The following C1QTNF2 variants were observed in gnomAD, a reference collection of about 807,000 sequenced individuals.
The protein encoded by C1QTNF2 is C1q and TNF related 2.
Under a neutral mutation model 17.4 loss-of-function variants are expected in C1QTNF2, and 15 were observed. That is an observed-to-expected ratio of 0.86 (90% CI 0.58 to 1.33). C1QTNF2 has a LOEUF of 1.33. Among genes scored for constraint, C1QTNF2 ranks in the 40% most tolerant of loss-of-function variants. The pLI, the probability that C1QTNF2 is intolerant of heterozygous loss-of-function variation, is 0.00. For missense variants in C1QTNF2, 381 were observed against 392.3 expected (o/e 0.97, Z 0.24); for synonymous variants, 154 against 163.3 (o/e 0.94, Z 0.44).
chr5:160,353,788 CTTTTTTTT>C (rs200777932), intron 2 of C1QTNF2, among the ~76,000 whole-genome samples: 10 of 85,970 alleles, frequency 1.2e-4, no homozygotes, highest in African/African-American at 4.3e-4. Context: ...ACTTCTCAGG[CTTTTTTTT>C]TTTTTTTTTT....
intron 1 of C1QTNF2, among the ~76,000 whole-genome samples, chr5:160,365,954 A>G (rs928335681): frequency 7.2e-5 from 9 of 124,610 alleles, no homozygotes; most frequent in Non-Finnish European, 9.6e-5. Flanking sequence ...GCTTTTTTAA[A>G]AAATTTTTTA....
chr5:160,370,482 C>A, intron 1 of C1QTNF2, 30 bp downstream of exon 1: 1 of 1,412,802 alleles, frequency 7.1e-7, no homozygotes, highest in East Asian at 2.9e-5. Context: ...CACTTGCCGC[C>A]CCCGCCCGAC....
intron 1 of C1QTNF2, among the ~76,000 whole-genome samples, chr5:160,361,466 C>T (rs1044246513): frequency 6.6e-5 from 10 of 152,194 alleles, no homozygotes; most frequent in Non-Finnish European, 1.2e-4. Flanking sequence ...GTAAATTATG[C>T]TCAAATAAAT....
intron 1 of C1QTNF2, among the ~76,000 whole-genome samples, chr5:160,359,046 G>T (rs1001363074): frequency 6.6e-6 from 1 of 152,182 alleles, no homozygotes; most frequent in East Asian, 1.9e-4. Flanking sequence ...AAAGTGCTGA[G>T]ATTACAGGCG....
At chr5:160,355,417 G>A (rs939246040) in intron 1 of C1QTNF2, 16 of 224,036 alleles carry the variant, frequency 7.1e-5, no homozygotes, top group Non-Finnish European at 1.1e-4. Context: ...GTTCTACAAG[G>A]GTAATGTTTG....
chr5:160,353,788 C>CTTTTTTTTTTTTT (rs200777932), intron 2 of C1QTNF2, among the ~76,000 whole-genome samples: 1 of 85,980 alleles, frequency 1.2e-5, no homozygotes, highest in Admixed American at 1.8e-4. Context: ...ACTTCTCAGG[C>CTTTTTTTTTTTTT]TTTTTTTTTT....
At chr5:160,360,197 C>T (rs1156696534) in intron 1 of C1QTNF2, among the ~76,000 whole-genome samples, 1 of 152,224 alleles carries the variant, frequency 6.6e-6, no homozygotes, top group Non-Finnish European at 1.5e-5. Flanking sequence ...ATTCACTTTA[C>T]TTGGTTGCCT....
In C1QTNF2 at chr5:160,370,566, G is replaced by A. The variant is rs780076778; in HGVS notation, c.-64C>T. On this transcript the variant is annotated 5_prime_UTR_variant, in exon 1 of 3. Transcript: ENST00000652664. Reference sequence around the variant, plus strand: ...GTCCGGAGCAAAGAAGCTCTCGGCGGGGCTCCGCGTCCCGGCTTTCCTCAG... The same window carrying A: ...GTCCGGAGCAAAGAAGCTCTCGGCGAGGCTCCGCGTCCCGGCTTTCCTCAG... The A allele has an allele frequency of 1.4e-6, 2 of 1,445,922 alleles. No homozygotes were observed. Among genetic ancestry groups the A allele is most frequent in the Non-Finnish European group, 1.8e-6 (2 of 1,107,352 alleles). The allele number at this position is 1,445,922 out of a possible 1,614,324, so 89.6% of individuals were successfully genotyped here. A position where few individuals can be genotyped will look rare whatever the true frequency, so the allele number is the denominator to read the frequency against.
At chr5:160,361,220 G>C (rs903115590) in intron 1 of C1QTNF2, among the ~76,000 whole-genome samples, 8 of 152,186 alleles carry the variant, frequency 5.3e-5, no homozygotes, top group Admixed American at 1.3e-4. Flanking sequence ...AGTGCCACAG[G>C]CTGGGTCTAC....
intron 2 of C1QTNF2, among the ~76,000 whole-genome samples, chr5:160,351,220 TTC>T (rs1375555721): frequency 6.6e-6 from 1 of 152,232 alleles, no homozygotes; most frequent in African/African-American, 2.4e-5. Context: ...AAATGCACAT[TTC>T]TCTCAATCCA....
chr5:160,348,817 C>A lies in C1QTNF2; in HGVS notation c.*351G>T, dbSNP rs978541651. The stretch of plus-strand genomic sequence containing the variant: ...ACTGTCAACCATGGCATGTTCATTT[C>A]TATCCTGGCATAATATTATATTATT... On this transcript the variant is annotated 3_prime_UTR_variant, in exon 3 of 3. Transcript: ENST00000652664. The A allele has an allele frequency of 3.1e-5, 6 of 192,776 alleles. No individual in the cohort carries two copies. The highest frequency in any genetic ancestry group is 1.3e-4 in the East Asian group (1 of 7,856). The allele number at this position is 192,776 out of a possible 1,614,324, so 11.9% of individuals were successfully genotyped here.
At chr5:160,362,575 T>G (rs1325489700) in intron 1 of C1QTNF2, among the ~76,000 whole-genome samples, 1 of 152,208 alleles carries the variant, frequency 6.6e-6, no homozygotes, top group Admixed American at 6.5e-5. Context: ...TGAGATGGTG[T>G]CAAGCGCCTG....
At chr5:160,356,488 C>T (rs1215320910) in intron 1 of C1QTNF2, among the ~76,000 whole-genome samples, 1 of 152,164 alleles carries the variant, frequency 6.6e-6, no homozygotes, top group Non-Finnish European at 1.5e-5. Context: ...AATAAGTTTC[C>T]AAGGGATGCT....
At chr5:160,368,588 G>C (rs1764290184) in intron 1 of C1QTNF2, among the ~76,000 whole-genome samples, 1 of 151,672 alleles carries the variant, frequency 6.6e-6, no homozygotes, top group East Asian at 1.9e-4. Flanking sequence ...ACTAACAGAA[G>C]TTTGATTTAT....
At chr5:160,361,404 C>A (rs1402360202) in intron 1 of C1QTNF2, among the ~76,000 whole-genome samples, 2 of 152,196 alleles carry the variant, frequency 1.3e-5, no homozygotes, top group Non-Finnish European at 2.9e-5. Context: ...TTGTCTTGAG[C>A]AAGCCTACTA....
At chr5:160,365,251 G>T (rs1010351495) in intron 1 of C1QTNF2, among the ~76,000 whole-genome samples, 1 of 152,166 alleles carries the variant, frequency 6.6e-6, no homozygotes, top group African/African-American at 2.4e-5. Flanking sequence ...TGACATAAAA[G>T]GGACTACACT....
chr5:160,354,597 A>AAAATATATATAT (rs769774870), intron 2 of C1QTNF2, among the ~76,000 whole-genome samples, 171 bp downstream of exon 2: 1 of 89,304 alleles, frequency 1.1e-5, no homozygotes, highest in African/African-American at 4.8e-5. Flanking sequence ...AAAAAAAAAA[A>AAAATATATATAT]GTATATATAT....
chr5:160,354,059 C>T (rs1341186889), intron 2 of C1QTNF2, among the ~76,000 whole-genome samples: 1 of 152,020 alleles, frequency 6.6e-6, no homozygotes, highest in Admixed American at 6.6e-5. Context: ...TCCACCTCGG[C>T]CTCCCAAGTG....
intron 1 of C1QTNF2, among the ~76,000 whole-genome samples, chr5:160,355,810 A>ATT (rs34316544): frequency 9.2e-5 from 14 of 151,710 alleles, no homozygotes; most frequent in African/African-American, 3.4e-4. Flanking sequence ...ATTTCTTGCG[A>ATT]TTTTTTTTTA....
Sources: gnomAD v4.1 joint callset for allele counts (sites outside exome capture counted in the v4.1 genomes callset) on GRCh38, gnomAD v4.1.1 for gene constraint, MANE v1.5 for transcripts, NCBI Gene and HGNC (gene_info 2026-07-23, HGNC 2026-07-21) for gene names.